Variants in SRPK2 observed in about 807,000 individuals in gnomAD.
SRPK2 encodes SFRS protein kinase 2.
Under a neutral mutation model 90.8 loss-of-function variants are expected in SRPK2, and 21 were observed. The observed-to-expected ratio is 0.23, with a 90% CI of 0.16 to 0.33. SRPK2 has a LOEUF of 0.33. SRPK2 is among the 10% of genes least tolerant of loss of function. The pLI is 1.00. For missense variants in SRPK2, 620 were observed against 869.0 expected (o/e 0.71, Z 3.60); for synonymous variants, 288 against 311.1 (o/e 0.93, Z 0.78).
chr7:105,149,369 GA>G (rs773120622), intron 7 of SRPK2, among the ~76,000 whole-genome samples: 3 of 152,122 alleles, frequency 2.0e-5, no homozygotes, highest in Non-Finnish European at 4.4e-5. Flanking sequence ...ACCTTCCCTT[GA>G]ACTTAATTAT....
At chr7:105,383,284 G>T (rs1334110385) in intron 2 of SRPK2, among the ~76,000 whole-genome samples, 1 of 150,584 alleles carries the variant, frequency 6.6e-6, no homozygotes, top group South Asian at 2.1e-4. Context: ...AGCCAGGATG[G>T]TCTCGATCTC....
intron 2 of SRPK2, among the ~76,000 whole-genome samples, chr7:105,273,457 G>A (rs545377479): frequency 2.8e-5 from 4 of 144,548 alleles, no homozygotes; most frequent in East Asian, 2.0e-4. Flanking sequence ...ACAGAGTCTC[G>A]TTCTGCCACC....
At chr7:105,273,380 G>A (rs943672880) in intron 2 of SRPK2, among the ~76,000 whole-genome samples, 5 of 150,882 alleles carry the variant, frequency 3.3e-5, no homozygotes, top group African/African-American at 7.3e-5. Flanking sequence ...GAATACCACC[G>A]TTCAGTCGTC....
intron 2 of SRPK2, among the ~76,000 whole-genome samples, chr7:105,327,967 A>C (rs2131634268): frequency 6.6e-6 from 1 of 152,236 alleles, no homozygotes; most frequent in Non-Finnish European, 1.5e-5. Context: ...CAGCAGGCTA[A>C]TTTTTCTATC....
chr7:105,268,986 A>G, intron 2 of SRPK2: 3 of 1,398,076 alleles, frequency 2.1e-6, no homozygotes, highest in South Asian at 1.5e-5. Context: ...CAAGATTCGC[A>G]GTACTTCTGT....
At chr7:105,201,100 T>C (rs1399225695) in intron 3 of SRPK2, among the ~76,000 whole-genome samples, 4 of 152,206 alleles carry the variant, frequency 2.6e-5, no homozygotes, top group Non-Finnish European at 5.9e-5. Context: ...AGGGGATTTA[T>C]CTCTTTATCC....
Position 105,152,990 on chromosome 7 carries a change from C to T in SRPK2, c.622-6332G>A, listed in dbSNP as rs186100933. Among the ~76,000 whole-genome samples the T allele has an allele frequency of 5.6e-4, 85 of 152,208 alleles. 2 individuals are homozygous for T. In the East Asian group the frequency reaches 0.016, roughly 28 times the overall value. ...CGGAGGTTGCAGTGAGCCGAGATCG[C>T]GCCACTGCACTCCAGCCTGGTGACA... is the stretch of plus-strand genomic sequence containing the variant. On this transcript the variant is annotated intron_variant, in intron 7 of 15. Coordinates refer to ENST00000393651, the MANE Select transcript of SRPK2 (RefSeq NM_182692.3).
chr7:105,294,131 AG>A (rs1298741316), intron 2 of SRPK2, among the ~76,000 whole-genome samples: 4 of 152,210 alleles, frequency 2.6e-5, no homozygotes, highest in Non-Finnish European at 5.9e-5. Context: ...GACAACCAGA[AG>A]GGTTAAGAGA....
At chr7:105,159,466 A>AAAAAAAACAAAAAC (rs1554428675) in intron 7 of SRPK2, among the ~76,000 whole-genome samples, 2 of 114,230 alleles carry the variant, frequency 1.8e-5, no homozygotes, top group African/African-American at 3.1e-5. Context: ...AAAAAAAAAA[A>AAAAAAAACAAAAAC]AAAAAAACCG....
chr7:105,195,285 G>A (rs1451432365), intron 3 of SRPK2, among the ~76,000 whole-genome samples: 3 of 152,198 alleles, frequency 2.0e-5, no homozygotes, highest in Admixed American at 6.5e-5. Flanking sequence ...TCCTGACCTC[G>A]TGATCTGCCC....
intron 2 of SRPK2, among the ~76,000 whole-genome samples, chr7:105,351,431 G>A (rs1211533842): frequency 6.6e-6 from 1 of 151,946 alleles, no homozygotes; most frequent in Non-Finnish European, 1.5e-5. Context: ...GCTGAGGAGG[G>A]CGAATCACCT....
intron 2 of SRPK2, among the ~76,000 whole-genome samples, chr7:105,358,235 A>AC (rs1175342261): frequency 3.3e-5 from 5 of 150,588 alleles, no homozygotes; most frequent in Non-Finnish European, 5.9e-5. Context: ...AAAAAAAAAA[A>AC]AAAAAAAAAA....
intron 2 of SRPK2, among the ~76,000 whole-genome samples, chr7:105,209,098 T>A (rs886790322): frequency 6.6e-6 from 1 of 152,234 alleles, no homozygotes; most frequent in Admixed American, 6.5e-5. Flanking sequence ...GCAATCAATA[T>A]GCATAGTCTC....
At chr7:105,180,971 C>T (rs1388809455) in intron 3 of SRPK2, among the ~76,000 whole-genome samples, 2 of 151,434 alleles carry the variant, frequency 1.3e-5, no homozygotes, top group Non-Finnish European at 3.0e-5. Context: ...ACAAACAAAG[C>T]ATCTGACAAA....
intron 3 of SRPK2, among the ~76,000 whole-genome samples, chr7:105,169,704 G>A (rs1024290329): frequency 7.9e-5 from 12 of 152,166 alleles, no homozygotes; most frequent in Non-Finnish European, 1.3e-4. Flanking sequence ...CTGCAATCCA[G>A]ACAGCCTGAC....
intron 2 of SRPK2, among the ~76,000 whole-genome samples, chr7:105,381,926 G>A (rs576918665): frequency 2.6e-5 from 4 of 152,266 alleles, no homozygotes; most frequent in African/African-American, 9.6e-5. Flanking sequence ...CCAACACTTT[G>A]GGAGGCTAAG....
intron 2 of SRPK2, among the ~76,000 whole-genome samples, chr7:105,299,660 T>C (rs1810284502): frequency 6.6e-6 from 1 of 152,122 alleles, no homozygotes; most frequent in African/African-American, 2.4e-5. Context: ...TGGGAGGCTA[T>C]GGCAGGCAGA....
chr7:105,115,367 TCG>T (rs1799562396), downstream of SRPK2: 1 of 152,230 alleles, frequency 6.6e-6, no homozygotes, highest in South Asian at 2.1e-4. Flanking sequence ...AGTTTATGAC[TCG>T]GAAGATCTTA....
intron 2 of SRPK2, among the ~76,000 whole-genome samples, chr7:105,374,534 T>C (rs919130441): frequency 6.6e-6 from 1 of 152,176 alleles, no homozygotes; most frequent in African/African-American, 2.4e-5. Flanking sequence ...TAGGGAAATA[T>C]TTAAGCAAAT....
Sources: allele counts gnomAD v4.1 joint callset (sites outside exome capture counted in the v4.1 genomes callset), GRCh38; gene constraint gnomAD v4.1.1; transcripts MANE v1.5; gene names NCBI Gene and HGNC (gene_info 2026-07-23, HGNC 2026-07-21).